The following MANBA variants were observed in gnomAD, a reference collection of about 807,000 sequenced individuals.
MANBA encodes beta-mannosidase.
A neutral mutation model predicts 111.1 loss-of-function variants in MANBA; 83 were observed. The ratio of observed to expected loss-of-function variants is 0.75; its 90% CI spans 0.63 to 0.90. The LOEUF is 0.90. Among genes scored for constraint, MANBA ranks in the 40% least tolerant of loss-of-function variants. The pLI is 0.00. For missense variants in MANBA, 1,036 were observed against 1,069.0 expected (o/e 0.97, Z 0.43); for synonymous variants, 370 against 378.7 (o/e 0.98, Z 0.27).
intron 8 of MANBA, among the ~76,000 whole-genome samples, chr4:102,673,127 C>A (rs1731565774): frequency 6.6e-6 from 1 of 152,174 alleles, no homozygotes; most frequent in South Asian, 2.1e-4. Flanking sequence ...CACCCTCCCA[C>A]AACCGCGCCT....
In MANBA at chr4:102,632,534, C is replaced by T. The variant is rs192830905; in HGVS notation, c.2416-253G>A. On this transcript the variant is annotated intron_variant, in intron 16 of 16. Transcript: ENST00000647097. ...TCTCCAATCATTAAGGAGAATATTT[C>T]ACAAGAAGCTCAAAGCTTTACATCT... Among the ~76,000 whole-genome samples, 28 of 152,340 alleles carry T rather than the reference C, an allele frequency of 1.8e-4. No homozygotes were observed. The East Asian group carries it at 5.4e-3, about 29-fold the overall frequency.
rs1730633883 is a variant in MANBA at position 102,657,753 on chromosome 4, C to T, written c.1633G>A (p.Val545Ile). The change falls in exon 12 of 17, where the codon GTT becomes ATT. Residue 545 changes from valine to isoleucine, a missense_variant. By Grantham distance (29) the Val-to-Ile change is conservative (BLOSUM62 3). Transcript: ENST00000647097. ...DYISDCWNWKVFPKARFASEY... is the reference protein window; with the variant it reads ...DYISDCWNWKIFPKARFASEY... Reference sequence around the variant, plus strand: ...GATGCAAATCGAGCTTTTGGGAAAACTTTCCAGTTCCAGCAATCACTGATA... The same window carrying T: ...GATGCAAATCGAGCTTTTGGGAAAATTTTCCAGTTCCAGCAATCACTGATA... 1 of 1,613,824 alleles carries T rather than the reference C, an allele frequency of 6.2e-7. No individual in the cohort carries two copies. The highest frequency in any genetic ancestry group is 1.3e-5 in the African/African-American group (1 of 74,908).
chr4:102,724,500 A>G (rs539723723), intron 2 of MANBA, among the ~76,000 whole-genome samples: 2 of 151,560 alleles, frequency 1.3e-5, no homozygotes, highest in Non-Finnish European at 1.5e-5. Context: ...CGGAGGTTGC[A>G]GTGAGTGGAT....
Position 102,709,307 on chromosome 4 carries a change from GAAGGAAGAAAAGAA to G in MANBA, c.673+5117_673+5130del, listed in dbSNP as rs1721919088. Among the ~76,000 whole-genome samples, 91 of 90,898 alleles carry G rather than the reference GAAGGAAGAAAAGAA, an allele frequency of 1.0e-3. 2 individuals carry two copies. Among genetic ancestry groups the G allele is most frequent in the African/African-American group, 4.5e-3 (88 of 19,474 alleles). The allele number at this position is 90,898 out of a possible 152,430, so 59.6% of individuals were successfully genotyped here. A position where few individuals can be genotyped will look rare whatever the true frequency, so the allele number is the denominator to read the frequency against. On this transcript the variant is annotated intron_variant, in intron 5 of 16. Transcript: ENST00000647097. ...GAAAGGAAGGAAGGAAGGAAGGAAG[GAAGGAAGAAAAGAA>G]AAGAAAAAGAAAGGAAGGAAGGAAG...
intron 13 of MANBA, among the ~76,000 whole-genome samples, chr4:102,644,306 A>T (rs1730007073): frequency 6.6e-6 from 1 of 152,178 alleles, no homozygotes; most frequent in African/African-American, 2.4e-5. Context: ...AAGGAAATGA[A>T]ATCAGTATGT....
chr4:102,639,600 T>C, intron 14 of MANBA, 113 bp downstream of exon 14: 1 of 1,400,774 alleles, frequency 7.1e-7, no homozygotes, highest in Non-Finnish European at 1.0e-6. Context: ...AATGACTCTT[T>C]TGGTCATAGT....
chr4:102,696,650 A>T (rs756185764), intron 5 of MANBA, among the ~76,000 whole-genome samples: 2 of 152,210 alleles, frequency 1.3e-5, no homozygotes, highest in Non-Finnish European at 2.9e-5. Flanking sequence ...ACACTGGTAG[A>T]TGAAAAAGAT....
intron 5 of MANBA, among the ~76,000 whole-genome samples, chr4:102,698,357 T>C (rs1578913286): frequency 6.6e-6 from 1 of 151,066 alleles, no homozygotes; most frequent in East Asian, 1.9e-4. Flanking sequence ...GCTCTTTAGT[T>C]TAATTAGATC....
chr4:102,729,016 G>A lies in MANBA; in HGVS notation c.178-2333C>T, dbSNP rs573023812. ...GCAGCTTCCTGTAGGTGGCTATCTC[G>A]ATGTCCAGGGCCAGCTTGATGTTCA... On this transcript the variant is annotated intron_variant, in intron 1 of 16. Transcript: ENST00000647097. The A allele has an allele frequency of 2.2e-4, 210 of 967,202 alleles. 1 individual carries two copies. Among genetic ancestry groups the A allele is most frequent in the Admixed American group, 6.9e-4 (40 of 58,238 alleles). The allele number at this position is 967,202 out of a possible 1,614,324, so 59.9% of individuals were successfully genotyped here.
At chr4:102,734,624 G>A in intron 1 of MANBA, 2 of 1,576,062 alleles carry the variant, frequency 1.3e-6, no homozygotes, top group Non-Finnish European at 1.7e-6. Flanking sequence ...AGAAGAGGAG[G>A]CCCGAGGAGC....
Position 102,716,709 on chromosome 4 carries a change from A to C in MANBA, c.550-2148T>G, listed in dbSNP as rs916890068. Among the ~76,000 whole-genome samples, 95 of 152,360 alleles carry C rather than the reference A, an allele frequency of 6.2e-4. 1 individual carries two copies. Among genetic ancestry groups the C allele is most frequent in the African/African-American group, 2.2e-3 (92 of 41,586 alleles). On this transcript the variant is annotated intron_variant, in intron 4 of 16. Transcript: ENST00000647097. ...TTAAAATGTGTAAAGCTATAAGTTC[A>C]GCTTTTAAAAAGGAATAAGTTTGGG...
chr4:102,756,294 A>G (rs960336928), intron 1 of MANBA, among the ~76,000 whole-genome samples: 4 of 152,264 alleles, frequency 2.6e-5, no homozygotes, highest in Admixed American at 2.0e-4. Flanking sequence ...CCTTGCAGCC[A>G]TAAAAAAGGA....
At chr4:102,713,145 T>C (rs1722154422) in intron 5 of MANBA, among the ~76,000 whole-genome samples, 1 of 152,164 alleles carries the variant, frequency 6.6e-6, no homozygotes, top group Non-Finnish European at 1.5e-5. Context: ...CAGATTTGGC[T>C]CAATTGAATA....
At chr4:102,747,955 G>C (rs1723646423) in intron 1 of MANBA, among the ~76,000 whole-genome samples, 1 of 152,178 alleles carries the variant, frequency 6.6e-6, no homozygotes, top group African/African-American at 2.4e-5. Context: ...GGGGTTCCCA[G>C]GACTGGACCT....
In MANBA at chr4:102,714,418, A is replaced by AC. The variant is rs1232337767; in HGVS notation, c.673+19_673+20insG. 6.3e-7 allele frequency: 1 copy of AC among 1,597,196 alleles called. No homozygotes were observed. Among genetic ancestry groups the AC allele is most frequent in the Non-Finnish European group, 8.6e-7 (1 of 1,165,118 alleles). ...ACAAGAAGACTCAAAAAGAAAAAAA[A>AC]ATCACATCTTTCAGCTTACCATATA... On this transcript the variant is annotated intron_variant, in intron 5 of 16. Transcript: ENST00000647097.
chr4:102,689,048 T>G (rs191540835), intron 7 of MANBA, among the ~76,000 whole-genome samples: 1 of 152,280 alleles, frequency 6.6e-6, no homozygotes, highest in Admixed American at 6.5e-5. Context: ...ATCTAAAGTA[T>G]GATCCATTTA....
At chr4:102,731,612 A>G (rs971710950) in intron 1 of MANBA, among the ~76,000 whole-genome samples, 26 of 152,188 alleles carry the variant, frequency 1.7e-4, no homozygotes, top group African/African-American at 6.3e-4. Flanking sequence ...AAGAATGGAC[A>G]TGTGCCCATA....
At chr4:102,717,360 C>T (rs768525805) in intron 4 of MANBA, among the ~76,000 whole-genome samples, 30 of 147,856 alleles carry the variant, frequency 2.0e-4, no homozygotes, top group Non-Finnish European at 3.3e-4. Context: ...GATGAGTTTT[C>T]CTGAAAAAAA....
At chr4:102,750,173 C>CT (rs1281531935) in intron 1 of MANBA, among the ~76,000 whole-genome samples, 6 of 149,674 alleles carry the variant, frequency 4.0e-5, no homozygotes, top group Admixed American at 1.3e-4. Context: ...AGCAGTCAAA[C>CT]TTTTTTTTTT....
Sources: gnomAD v4.1 joint callset for allele counts (sites outside exome capture counted in the v4.1 genomes callset) on GRCh38, gnomAD v4.1.1 for gene constraint, MANE v1.5 for transcripts, NCBI Gene and HGNC (gene_info 2026-07-23, HGNC 2026-07-21) for gene names.